ATP6V1H: variants seen among roughly 807,000 people sequenced by gnomAD.
ATP6V1H encodes ATPase H+ transporting V1 subunit H.
Under a neutral mutation model 71.7 loss-of-function variants are expected in ATP6V1H, and 39 were observed. The ratio of observed to expected loss-of-function variants is 0.54; its 90% CI spans 0.42 to 0.71. The LOEUF is 0.71. ATP6V1H is among the 30% of genes least tolerant of loss of function. The pLI is 0.00. For missense variants in ATP6V1H, 509 were observed against 594.9 expected, an observed-to-expected ratio of 0.86 and a Z score of 1.50; for synonymous variants, 192 against 199.3, an observed-to-expected ratio of 0.96 and a Z score of 0.31.
chr8:53,734,563 G>A (rs1563441166), intron 13 of ATP6V1H, among the ~76,000 whole-genome samples: 1 of 152,166 alleles, frequency 6.6e-6, no homozygotes, highest in Non-Finnish European at 1.5e-5. Context: ...CCAAGTACAT[G>A]GGGCATTATA....
chr8:53,783,545 G>T (rs888819026), intron 9 of ATP6V1H, among the ~76,000 whole-genome samples: 1 of 152,162 alleles, frequency 6.6e-6, no homozygotes, highest in African/African-American at 2.4e-5. Context: ...ATCTCCTTCA[G>T]TTCTGCTCTG....
chr8:53,756,765 T>C (rs1808083685), intron 11 of ATP6V1H, 109 bp from the exon 12 acceptor site: 2 of 658,426 alleles, frequency 3.0e-6, no homozygotes, highest in East Asian at 5.6e-5. Context: ...TTTATTAATA[T>C]ATTCATATTC....
chr8:53,740,702 G>C (rs1344493045), intron 13 of ATP6V1H, among the ~76,000 whole-genome samples: 1 of 152,172 alleles, frequency 6.6e-6, no homozygotes, highest in African/African-American at 2.4e-5. Context: ...TAGAAAGGTA[G>C]TCTTTATGAG....
In ATP6V1H at chr8:53,829,374, A is replaced by G; in HGVS notation, c.306+70T>C. 4.3e-6 allele frequency: 4 copies of G among 933,992 alleles called. No individual in the cohort carries two copies. The Admixed American group carries it at 7.7e-5, about 18-fold the overall frequency. The allele number at this position is 933,992 out of a possible 1,614,324, so 57.9% of individuals were successfully genotyped here. Reference sequence around the variant, plus strand: ...AAATGTTCTAAGTGAAATCTCACCAAAAATGCTGCTACTGTGAGGTATGCA... The same window carrying G: ...AAATGTTCTAAGTGAAATCTCACCAGAAATGCTGCTACTGTGAGGTATGCA... On this transcript the variant is annotated intron_variant, in intron 4 of 13. Coordinates refer to ENST00000359530, the MANE Select transcript of ATP6V1H (RefSeq NM_015941.4).
At chr8:53,742,332 CACATA>C (rs1274717761) in intron 13 of ATP6V1H, among the ~76,000 whole-genome samples, 14 of 152,210 alleles carry the variant, frequency 9.2e-5, no homozygotes, top group Non-Finnish European at 1.3e-4. Flanking sequence ...GTGTCACAAC[CACATA>C]ATTCCCTGTA....
At chr8:53,728,262 C>A (rs893674990) in intron 13 of ATP6V1H, among the ~76,000 whole-genome samples, 6 of 152,210 alleles carry the variant, frequency 3.9e-5, no homozygotes, top group Non-Finnish European at 8.8e-5. Context: ...CAGCCTCCAT[C>A]CTCAGCCTTA....
chr8:53,773,516 G>A (rs905568458), intron 9 of ATP6V1H, among the ~76,000 whole-genome samples: 2 of 152,140 alleles, frequency 1.3e-5, no homozygotes, highest in South Asian at 2.1e-4. Context: ...ATACAAATAC[G>A]TTCCTGTCAC....
At chr8:53,826,069 GA>G (rs1449167409) in intron 4 of ATP6V1H, among the ~76,000 whole-genome samples, 1 of 151,996 alleles carries the variant, frequency 6.6e-6, no homozygotes, top group African/African-American at 2.4e-5. Flanking sequence ...ATAATTCAGG[GA>G]AAAAAATGTA....
At position 53,715,869 on chromosome 8, in the gene ATP6V1H, C is replaced by T; in HGVS notation, c.*95G>A. The T allele has an allele frequency of 1.9e-6, 2 of 1,057,234 alleles. No homozygotes were observed. The highest frequency in any genetic ancestry group is 1.7e-5 in the South Asian group (1 of 58,000). The allele number at this position is 1,057,234 out of a possible 1,614,324, so 65.5% of individuals were successfully genotyped here. The stretch of plus-strand genomic sequence containing the variant: ...GAAAAGCTATATAACAGAGGAAATT[C>T]CAAGTAAAATCAAACAGTGTTCACT... On this transcript the variant is annotated 3_prime_UTR_variant, in exon 14 of 14. Transcript: ENST00000359530.
intron 2 of ATP6V1H, among the ~76,000 whole-genome samples, chr8:53,837,395 C>T (rs1034515796): frequency 1.3e-5 from 2 of 152,012 alleles, no homozygotes; most frequent in African/African-American, 4.8e-5. Flanking sequence ...TCTTTTCAGC[C>T]TGCACTCCAG....
chr8:53,761,948 C>G (rs1585757269), intron 11 of ATP6V1H, among the ~76,000 whole-genome samples: 1 of 151,924 alleles, frequency 6.6e-6, no homozygotes, highest in Non-Finnish European at 1.5e-5. Flanking sequence ...ATGAGAAAAC[C>G]AAATACCAAG....
chr8:53,787,478 G>A (rs908083758), intron 9 of ATP6V1H, among the ~76,000 whole-genome samples: 2 of 152,218 alleles, frequency 1.3e-5, no homozygotes, highest in Admixed American at 1.3e-4. Context: ...GAGTATACAT[G>A]TGTAGATGTG....
At chr8:53,792,610 G>GA (rs1347347166) in intron 9 of ATP6V1H, among the ~76,000 whole-genome samples, 1 of 151,900 alleles carries the variant, frequency 6.6e-6, no homozygotes, top group Non-Finnish European at 1.5e-5. Context: ...ATCGAGACAA[G>GA]AAAAAAAGGA....
Position 53,751,320 on chromosome 8 carries a change from G to A in ATP6V1H, c.1277+5235C>T, listed in dbSNP as rs58274230. On this transcript the variant is annotated intron_variant, in intron 12 of 13. Transcript: ENST00000359530. ...GGACTGGAAGCAGTTTTTTGAACTT[G>A]GCACTGACAAAGGACTAGCTATGTG... Among the ~76,000 whole-genome samples the A allele has an allele frequency of 2.6e-3, 401 of 152,234 alleles. 1 individual carries two copies. The highest frequency in any genetic ancestry group is 9.0e-3 in the African/African-American group (375 of 41,540).
At position 53,819,818 on chromosome 8, in the gene ATP6V1H, G is replaced by GTA. The variant is rs1482582062; in HGVS notation, c.307-2290_307-2289dup. 1.3e-4 allele frequency among the ~76,000 whole-genome samples: 19 copies of GTA among 144,996 alleles called. No individual in the cohort carries two copies. In the South Asian group the frequency reaches 2.4e-3, roughly 18 times the overall value. On this transcript the variant is annotated intron_variant, in intron 4 of 13. Coordinates refer to ENST00000359530, the MANE Select transcript of ATP6V1H (RefSeq NM_015941.4). The stretch of plus-strand genomic sequence containing the variant: ...GTATACAAAGTATATGTGTGTGTGT[G>GTA]TATATATATACACACACACACACAT...
chr8:53,752,740 G>A (rs1363626458), intron 12 of ATP6V1H, among the ~76,000 whole-genome samples: 1 of 151,964 alleles, frequency 6.6e-6, no homozygotes, highest in Non-Finnish European at 1.5e-5. Context: ...TAGTAGAGAC[G>A]GGGTTTCACC....
At chr8:53,839,249 A>G (rs945379707) in intron 2 of ATP6V1H, among the ~76,000 whole-genome samples, 1 of 152,200 alleles carries the variant, frequency 6.6e-6, no homozygotes, top group African/African-American at 2.4e-5. Flanking sequence ...ATATTATTCT[A>G]TGTAGGCTAT....
intron 2 of ATP6V1H, among the ~76,000 whole-genome samples, chr8:53,835,980 A>T (rs930693666): frequency 6.6e-6 from 1 of 152,092 alleles, no homozygotes; most frequent in African/African-American, 2.4e-5. Flanking sequence ...GGCACTCCAC[A>T]CCCTACAGGC....
intron 2 of ATP6V1H, among the ~76,000 whole-genome samples, chr8:53,835,194 C>G (rs572098598): frequency 6.6e-6 from 1 of 152,168 alleles, no homozygotes; most frequent in Non-Finnish European, 1.5e-5. Flanking sequence ...ACTTTCAGAG[C>G]TGCCTCGGGT....
Sources: allele counts gnomAD v4.1 joint callset (sites outside exome capture counted in the v4.1 genomes callset), GRCh38; gene constraint gnomAD v4.1.1; transcripts MANE v1.5; gene names NCBI Gene and HGNC (gene_info 2026-07-23, HGNC 2026-07-21).